CNTN6: variants seen among roughly 807,000 people sequenced by gnomAD.
The protein encoded by CNTN6 is contactin-6.
In CNTN6, 137 loss-of-function variants were observed where a neutral mutation model predicts 122.8. The ratio of observed to expected loss-of-function variants is 1.12; its 90% confidence interval spans 0.97 to 1.29. The LOEUF (loss-of-function observed/expected upper bound fraction) is 1.29, where lower values mean the gene tolerates loss of function less well. CNTN6 is among the 50% of genes most tolerant of loss of function. The pLI is 0.00. For synonymous variants in CNTN6, 570 were observed against 426.0 expected, an observed-to-expected ratio of 1.34 and a Z score of -4.16; for missense variants, 1,634 against 1,223.4, an observed-to-expected ratio of 1.34 and a Z score of -5.01.
Position 1,329,771 on chromosome 3 carries a change from G to T in CNTN6, c.1214-14G>T. The T allele has an allele frequency of 6.3e-7, 1 of 1,599,224 alleles. No homozygotes were observed. Among genetic ancestry groups the T allele is most frequent in the South Asian group, 1.1e-5 (1 of 89,140 alleles). On this transcript the variant is annotated splice_polypyrimidine_tract_variant and intron_variant, in intron 10 of 22. Coordinates refer to ENST00000446702, the MANE Select transcript of CNTN6 (RefSeq NM_001289080.2). ...TGAGTAATTAAACAATTTTGTCTTT[G>T]ATTTTGTTTTTAGCCTCAGCTCCAG... is the stretch of plus-strand genomic sequence containing the variant.
At chr3:1,171,708 G>C (rs776802192) in intron 2 of CNTN6, among the ~76,000 whole-genome samples, 1 of 152,126 alleles carries the variant, frequency 6.6e-6, no homozygotes, top group Non-Finnish European at 1.5e-5. Flanking sequence ...TTGTGCTCAA[G>C]TGAGCTTCCC....
chr3:1,398,099 A>G (rs372118266), intron 20 of CNTN6, among the ~76,000 whole-genome samples: 23 of 151,908 alleles, frequency 1.5e-4, no homozygotes, highest in African/African-American at 5.6e-4. Context: ...TGCTGAGTTT[A>G]CCATTGACAG....
intron 3 of CNTN6, 58 bp downstream of exon 3, chr3:1,220,871 T>C (rs1216478156): frequency 1.3e-6 from 2 of 1,510,978 alleles, no homozygotes; most frequent in Non-Finnish European, 1.8e-6. Context: ...AACCAAAACA[T>C]ACACAAAATA....
chr3:1,324,662 A>T (rs1701288600), intron 8 of CNTN6, among the ~76,000 whole-genome samples: 1 of 149,470 alleles, frequency 6.7e-6, no homozygotes, highest in Non-Finnish European at 1.5e-5. Flanking sequence ...AGAACAATGG[A>T]TCGTGTTGGT....
chr3:1,399,207 C>T (rs578012830), intron 20 of CNTN6, among the ~76,000 whole-genome samples: 2 of 151,858 alleles, frequency 1.3e-5, no homozygotes, highest in East Asian at 1.9e-4. Context: ...TTTTAAAGAA[C>T]AGAGATAAAA....
chr3:1,292,890 G>A (rs1425731577), intron 5 of CNTN6, among the ~76,000 whole-genome samples: 2 of 151,646 alleles, frequency 1.3e-5, no homozygotes, highest in Non-Finnish European at 2.9e-5. Context: ...GTAAGAATTT[G>A]CATAAACATA....
At chr3:1,379,286 T>C (rs1325953971) in intron 17 of CNTN6, among the ~76,000 whole-genome samples, 1 of 152,208 alleles carries the variant, frequency 6.6e-6, no homozygotes, top group Non-Finnish European at 1.5e-5. Context: ...TTTCCTGTTT[T>C]GATAAATAAA....
At chr3:1,208,243 A>G (rs1378948227) in intron 2 of CNTN6, among the ~76,000 whole-genome samples, 1 of 152,134 alleles carries the variant, frequency 6.6e-6, no homozygotes, top group African/African-American at 2.4e-5. Context: ...AACCTCTGTC[A>G]TATCATTTAA....
intron 7 of CNTN6, among the ~76,000 whole-genome samples, chr3:1,300,561 GAA>G (rs1697132445): frequency 1.3e-4 from 3 of 23,644 alleles, no homozygotes; most frequent in African/African-American, 2.3e-4. Context: ...GAAAGAAAAA[GAA>G]AGAAAGAAAG....
At chr3:1,239,497 T>G (rs2313871) in intron 4 of CNTN6, among the ~76,000 whole-genome samples, 1 of 151,982 alleles carries the variant, frequency 6.6e-6, no homozygotes, top group Non-Finnish European at 1.5e-5. Context: ...AGGAAAACTA[T>G]GAAACACTGC....
intron 1 of CNTN6, among the ~76,000 whole-genome samples, chr3:1,103,773 TG>T (rs1236868330): frequency 6.6e-6 from 1 of 152,136 alleles, no homozygotes; most frequent in African/African-American, 2.4e-5. Flanking sequence ...CAAAGAAACA[TG>T]GAACAAAAAT....
rs758603192 is a variant in CNTN6, at chr3:1,325,987, T to C, written c.1083+36T>C. 7 of 1,580,660 alleles carry C rather than the reference T, an allele frequency of 4.4e-6. No homozygotes were observed. The East Asian group carries it at 1.6e-4, about 36-fold the overall frequency. On this transcript the variant is annotated intron_variant, in intron 9 of 22. Transcript: ENST00000446702. Reference sequence around the variant, plus strand: ...ATGTTGATATTAAAAGTTTACCTACTCTACTAGGTAAATTTTGTTACTAAC... The same window carrying C: ...ATGTTGATATTAAAAGTTTACCTACCCTACTAGGTAAATTTTGTTACTAAC...
At chr3:1,393,370 A>G (rs1362468246) in intron 20 of CNTN6, among the ~76,000 whole-genome samples, 3 of 121,922 alleles carry the variant, frequency 2.5e-5, no homozygotes, top group African/African-American at 6.3e-5. Flanking sequence ...GATCACATGG[A>G]CACAGGAAGG....
At chr3:1,264,459 A>G (rs17036859) in intron 4 of CNTN6, among the ~76,000 whole-genome samples, 5,111 of 152,274 alleles carry the variant, frequency 0.034, 281 homozygotes, top group African/African-American at 0.12. Context: ...GAGCAGCCAC[A>G]TAGAGAGAGG....
chr3:1,183,789 G>A (rs980230304), intron 2 of CNTN6, among the ~76,000 whole-genome samples: 1 of 152,130 alleles, frequency 6.6e-6, no homozygotes, highest in African/African-American at 2.4e-5. Context: ...CTGTGAGTCA[G>A]TAGTCTGGGC....
chr3:1,391,655 C>G (rs1179387874), intron 20 of CNTN6, among the ~76,000 whole-genome samples: 7 of 151,018 alleles, frequency 4.6e-5, no homozygotes, highest in Non-Finnish European at 7.4e-5. Context: ...TCTAGAAAAC[C>G]CCATTGTCTC....
At chr3:1,151,017 T>C (rs1270354498) in intron 2 of CNTN6, among the ~76,000 whole-genome samples, 3 of 152,142 alleles carry the variant, frequency 2.0e-5, no homozygotes, top group African/African-American at 7.2e-5. Context: ...GGACAGATTC[T>C]CCCCTCTATC....
At chr3:1,249,752 A>G (rs1027105342) in intron 4 of CNTN6, among the ~76,000 whole-genome samples, 5 of 152,310 alleles carry the variant, frequency 3.3e-5, no homozygotes, top group Admixed American at 2.6e-4. Flanking sequence ...CAGAAATCCC[A>G]TCCAAACAAG....
chr3:1,272,952 T>C (rs1208531431), intron 4 of CNTN6, among the ~76,000 whole-genome samples: 1 of 152,226 alleles, frequency 6.6e-6, no homozygotes, highest in African/African-American at 2.4e-5. Flanking sequence ...CCTTGCACCT[T>C]GGTTGCTCCA....
Sources: allele counts gnomAD v4.1 joint callset (sites outside exome capture counted in the v4.1 genomes callset), GRCh38; gene constraint gnomAD v4.1.1; transcripts MANE v1.5; gene names NCBI Gene and HGNC (gene_info 2026-07-23, HGNC 2026-07-21).